BACH2: variants seen among roughly 807,000 people sequenced by gnomAD.
BACH2 encodes transcription regulator protein BACH2.
In BACH2, 5 loss-of-function variants were observed where a neutral mutation model predicts 61.8. The ratio of observed to expected loss-of-function variants is 0.08; its 90% CI spans 0.04 to 0.17. The LOEUF is 0.17. Ranked by LOEUF, BACH2 falls within the 10% of genes least tolerant of loss-of-function variation. BACH2 has a pLI of 1.00. For synonymous variants in BACH2, 446 were observed against 440.1 expected (o/e 1.01, Z -0.17); for missense variants, 824 against 1,091.1 (o/e 0.76, Z 3.45).
At chr6:89,963,563 A>AT (rs1271221341) in intron 6 of BACH2, among the ~76,000 whole-genome samples, 3 of 152,220 alleles carry the variant, frequency 2.0e-5, no homozygotes, top group African/African-American at 7.2e-5. Context: ...AAGTGCAGGA[A>AT]TGACAGGTGT....
intron 4 of BACH2, among the ~76,000 whole-genome samples, chr6:90,110,830 C>G (rs968649274): frequency 6.6e-6 from 1 of 152,168 alleles, no homozygotes; most frequent in Non-Finnish European, 1.5e-5. Flanking sequence ...CGGGTTTTTC[C>G]TGGAGATAAC....
chr6:90,264,351 C>A (rs996790355), intron 2 of BACH2, among the ~76,000 whole-genome samples: 2 of 152,098 alleles, frequency 1.3e-5, no homozygotes, highest in African/African-American at 4.8e-5. Context: ...AAAAAATGAA[C>A]CCCTCTTGCC....
intron 4 of BACH2, among the ~76,000 whole-genome samples, chr6:90,134,807 C>G (rs1000263510): frequency 2.6e-5 from 4 of 152,288 alleles, no homozygotes; most frequent in East Asian, 1.9e-4. Flanking sequence ...TTGGTCAGGG[C>G]AGGTAGCCTC....
At chr6:90,080,258 G>A (rs1230200256) in intron 5 of BACH2, among the ~76,000 whole-genome samples, 1 of 152,076 alleles carries the variant, frequency 6.6e-6, no homozygotes, top group African/African-American at 2.4e-5. Context: ...CCAAACTTAA[G>A]TCAGTAGCAC....
intron 2 of BACH2, among the ~76,000 whole-genome samples, chr6:90,270,047 T>C (rs899849772): frequency 6.6e-6 from 1 of 152,160 alleles, no homozygotes; most frequent in Non-Finnish European, 1.5e-5. Context: ...CAGATTGCTG[T>C]GAATGCCATT....
chr6:89,985,535 GA>G (rs1776194883), intron 6 of BACH2, among the ~76,000 whole-genome samples: 2 of 152,132 alleles, frequency 1.3e-5, no homozygotes, highest in Non-Finnish European at 2.9e-5. Context: ...TCATGTCCCT[GA>G]GAGTGACACA....
intron 4 of BACH2, among the ~76,000 whole-genome samples, chr6:90,134,109 C>T (rs905081957): frequency 3.3e-5 from 5 of 152,126 alleles, no homozygotes; most frequent in South Asian, 2.1e-4. Context: ...CCTGAGGAAT[C>T]GCCACACTGA....
chr6:90,023,296 AG>A (rs1778475403), intron 5 of BACH2, among the ~76,000 whole-genome samples: 1 of 151,090 alleles, frequency 6.6e-6, no homozygotes, highest in Non-Finnish European at 1.5e-5. Flanking sequence ...ATCATAGGGG[AG>A]GTTTCTCGTG....
chr6:90,205,559 A>C (rs1769115870), intron 4 of BACH2, among the ~76,000 whole-genome samples: 1 of 152,144 alleles, frequency 6.6e-6, no homozygotes, highest in Non-Finnish European at 1.5e-5. Context: ...CACTGCAAAG[A>C]ATTACCTGGT....
At chr6:90,218,446 G>A (rs958568017) in intron 3 of BACH2, among the ~76,000 whole-genome samples, 1 of 151,378 alleles carries the variant, frequency 6.6e-6, no homozygotes. Context: ...GCAGGGCAGC[G>A]CACATTCCCC....
Position 90,109,894 on chromosome 6 carries a change from T to C in BACH2, c.-161-20785A>G, listed in dbSNP as rs576815446. On this transcript the variant is annotated intron_variant, in intron 4 of 8. Transcript: ENST00000257749. Reference sequence around the variant, plus strand: ...TTCTTGATTATGTGGGTTATAGCTATTGATATGTGCCATATTAGAAATTAA... The same window carrying C: ...TTCTTGATTATGTGGGTTATAGCTACTGATATGTGCCATATTAGAAATTAA... Among the ~76,000 whole-genome samples, 93 of 152,314 alleles carry C rather than the reference T, an allele frequency of 6.1e-4. 1 individual carries two copies. In the South Asian group the frequency reaches 0.019, roughly 31 times the overall value.
chr6:90,060,848 C>T (rs906133970), intron 5 of BACH2, among the ~76,000 whole-genome samples: 12 of 152,156 alleles, frequency 7.9e-5, no homozygotes, highest in South Asian at 2.1e-4. Context: ...AGTTGCAGTA[C>T]GGTCCCCATT....
chr6:89,970,506 CGG>C (rs1775297972), intron 6 of BACH2, among the ~76,000 whole-genome samples: 1 of 152,106 alleles, frequency 6.6e-6, no homozygotes. Context: ...TGTATATCTC[CGG>C]GGAGGCATAG....
At chr6:90,014,448 A>G (rs571004420) in intron 5 of BACH2, among the ~76,000 whole-genome samples, 104 of 65,690 alleles carry the variant, frequency 1.6e-3, no homozygotes, top group South Asian at 2.9e-3. Context: ...GTGTATATAT[A>G]TATATATATA....
At chr6:89,956,660 C>A (rs1475314632) in intron 6 of BACH2, among the ~76,000 whole-genome samples, 1 of 152,110 alleles carries the variant, frequency 6.6e-6, no homozygotes, top group East Asian at 1.9e-4. Flanking sequence ...CATGAGACAT[C>A]CATTTTGCTG....
intron 4 of BACH2, among the ~76,000 whole-genome samples, chr6:90,140,640 T>C (rs1784429512): frequency 6.6e-6 from 1 of 152,152 alleles, no homozygotes; most frequent in African/African-American, 2.4e-5. Context: ...GAAATAGACA[T>C]GAAATCCTCT....
chr6:90,222,664 A>G (rs975863291), intron 3 of BACH2, among the ~76,000 whole-genome samples: 1 of 152,172 alleles, frequency 6.6e-6, no homozygotes, highest in Non-Finnish European at 1.5e-5. Context: ...CAAAGAACCA[A>G]TATGGTACGT....
At chr6:90,132,921 C>T (rs965314817) in intron 4 of BACH2, among the ~76,000 whole-genome samples, 3 of 152,162 alleles carry the variant, frequency 2.0e-5, no homozygotes, top group South Asian at 2.1e-4. Flanking sequence ...TGTCCAGTTA[C>T]GCTCCAAGAC....
At chr6:90,006,145 A>G (rs551708645) in intron 6 of BACH2, among the ~76,000 whole-genome samples, 3 of 152,304 alleles carry the variant, frequency 2.0e-5, no homozygotes, top group South Asian at 2.1e-4. Context: ...TTGGTATTGT[A>G]TTTTTGGTAA....
Sources: allele counts gnomAD v4.1 joint callset (sites outside exome capture counted in the v4.1 genomes callset), GRCh38; gene constraint gnomAD v4.1.1; transcripts MANE v1.5; gene names NCBI Gene and HGNC (gene_info 2026-07-23, HGNC 2026-07-21).